KNG1: variants seen among roughly 807,000 people sequenced by gnomAD.
KNG1 encodes kininogen 1.
In KNG1, 23 loss-of-function variants were observed where a neutral mutation model predicts 47.8. The ratio of observed to expected loss-of-function variants is 0.48; its 90% confidence interval spans 0.35 to 0.68. The LOEUF is 0.68. Among genes scored for constraint, KNG1 ranks in the 30% least tolerant of loss-of-function variants. KNG1 has a pLI of 0.01. For synonymous variants in KNG1, 277 were observed against 277.0 expected (o/e 1.00, Z 0.00); for missense variants, 762 against 790.2 (o/e 0.96, Z 0.43).
chr3:186,733,413 G>A (rs1720591573), intron 7 of KNG1, among the ~76,000 whole-genome samples: 1 of 152,030 alleles, frequency 6.6e-6, no homozygotes, highest in African/African-American at 2.4e-5. Flanking sequence ...TCATTGCCAA[G>A]GCTCCACGCT....
intron 2 of KNG1, 30 bp downstream of exon 2, chr3:186,720,245 T>C (rs1447465117): frequency 6.9e-7 from 1 of 1,447,760 alleles, no homozygotes; most frequent in South Asian, 1.1e-5. Context: ...TTGGGCCTTC[T>C]GTTTTCTCCG....
At chr3:186,741,455 T>C (rs1171898503) in intron 9 of KNG1, 67 bp from the exon 10 acceptor site, 8 of 1,437,070 alleles carry the variant, frequency 5.6e-6, no homozygotes, top group Non-Finnish European at 7.6e-6. Flanking sequence ...CAGATCTCAG[T>C]GTTTTTTTCT....
At chr3:186,717,783 A>G (rs777770777) in intron 1 of KNG1, 46 bp downstream of exon 1, 2 of 1,415,164 alleles carry the variant, frequency 1.4e-6, no homozygotes, top group South Asian at 2.3e-5. Context: ...GATTTGTACT[A>G]TCACTAGGAG....
At chr3:186,722,189 A>G in intron 2 of KNG1, 1 of 447,134 alleles carries the variant, frequency 2.2e-6, no homozygotes. Flanking sequence ...CAAAACAAAG[A>G]CTCAAGCTTT....
Position 186,731,601 on chromosome 3 carries a change from C to T in KNG1, c.729C>T (p.Ser243=). 2 of 1,607,490 alleles carry T rather than the reference C, an allele frequency of 1.2e-6. No individual in the cohort carries two copies. The highest frequency in any genetic ancestry group is 1.7e-6 in the Non-Finnish European group (2 of 1,174,012). Residue 243 remains serine (S), a synonymous_variant, in exon 6 of 10, where the codon TCC becomes TCT. Transcript: ENST00000644859. ...AYIDIQLRIA[S]FSQNCDIYPG... ...TCGATATTCAGCTACGAATTGCTTC[C>T]TTCTCACAGAACTGTGACATTTATC... is the stretch of plus-strand genomic sequence containing the variant.
At chr3:186,722,599 G>T (rs1194366581) in intron 3 of KNG1, 78 bp downstream of exon 3, 3 of 1,137,158 alleles carry the variant, frequency 2.6e-6, no homozygotes, top group Non-Finnish European at 3.9e-6. Context: ...TCTTGACCAG[G>T]CTCTGCTTGC....
chr3:186,728,453 T>C (rs1467531736), intron 5 of KNG1: 4 of 152,282 alleles, frequency 2.6e-5, no homozygotes, highest in East Asian at 3.9e-4. Context: ...CAGTAGAATA[T>C]GATACAGCTA....
intron 5 of KNG1, among the ~76,000 whole-genome samples, chr3:186,729,826 C>G (rs908425374): frequency 2.6e-5 from 4 of 152,120 alleles, no homozygotes; most frequent in Admixed American, 2.6e-4. Flanking sequence ...GCATGTGCCA[C>G]CACGGCCGGC....
At position 186,742,462 on chromosome 3, in the gene KNG1, T is replaced by C. The variant is rs771685866; in HGVS notation, c.*131T>C. On this transcript the variant is annotated 3_prime_UTR_variant, in exon 10 of 10. Coordinates refer to ENST00000644859, the MANE Select transcript of KNG1 (RefSeq NM_001102416.3). The stretch of plus-strand genomic sequence containing the variant: ...AGCTTCGGAACAGTCTAAAGAGAAG[T>C]GGTGAGACTCCCAGTGGAGACACCA... The C allele has an allele frequency of 3.3e-6, 5 of 1,504,402 alleles. No homozygotes were observed. The highest frequency in any genetic ancestry group is 4.4e-6 in the Non-Finnish European group (5 of 1,133,940). The allele number at this position is 1,504,402 out of a possible 1,614,324, so 93.2% of individuals were successfully genotyped here.
intron 1 of KNG1, 177 bp downstream of exon 1, chr3:186,717,914 C>T: frequency 1.9e-6 from 1 of 535,244 alleles, no homozygotes. Context: ...CCACCACCAC[C>T]ATCCACCACC....
In KNG1 at chr3:186,732,594, C is replaced by T. The variant is rs994013085; in HGVS notation, c.850C>T (p.His284Tyr). 6 of 1,613,990 alleles carry T rather than the reference C, an allele frequency of 3.7e-6. No individual in the cohort carries two copies. Among genetic ancestry groups the T allele is most frequent in the Non-Finnish European group, 4.2e-6 (5 of 1,179,854 alleles). Residue 284 changes from histidine to tyrosine, a missense_variant, in exon 7 of 10, where the codon CAC becomes TAC. Transcript: ENST00000644859. Reference sequence around the variant, plus strand: ...CCCAGAGCTGGAGGAGACACTGACTCACACCATCACAAAGCTTAATGCAGA... The same window carrying T: ...CCCAGAGCTGGAGGAGACACTGACTTACACCATCACAAAGCTTAATGCAGA... The part of the protein sequence containing the change: ...NSPELEETLT[H>Y]TITKLNAENN...
rs753056016 is a variant in KNG1, at chr3:186,725,060, G to T, written c.392-28G>T. 10 of 1,612,836 alleles carry T rather than the reference G, an allele frequency of 6.2e-6. No homozygotes were observed. In the African/African-American group the frequency reaches 1.1e-4, roughly 17 times the overall value. On this transcript the variant is annotated intron_variant, in intron 3 of 9. Transcript: ENST00000644859. ...GCGAATGCTGATTGCGATCATTAAT[G>T]CTGTGTTTTTGTCTGCTCTTTGTTA...
intron 5 of KNG1, among the ~76,000 whole-genome samples, chr3:186,727,756 G>T (rs1344270663): frequency 6.6e-6 from 1 of 152,002 alleles, no homozygotes; most frequent in Non-Finnish European, 1.5e-5. Context: ...ATTTATAGTA[G>T]AGACAGGGTT....
At chr3:186,724,422 CT>C (rs1223638640) in intron 3 of KNG1, among the ~76,000 whole-genome samples, 1 of 152,122 alleles carries the variant, frequency 6.6e-6, no homozygotes, top group East Asian at 1.9e-4. Context: ...AATACAAACT[CT>C]TTTTAATAAT....
At chr3:186,719,083 G>A (rs561682935) in intron 1 of KNG1, among the ~76,000 whole-genome samples, 4 of 151,836 alleles carry the variant, frequency 2.6e-5, no homozygotes, top group South Asian at 4.2e-4. Context: ...AAGTAAAATC[G>A]AGCCATTTTC....
Position 186,742,009 on chromosome 3 carries a change from C to CA in KNG1, c.1614dup (p.Gln539ThrfsTer24). ...GACAGTACTACACCTTCTGCACAGA[C>CA]ACAAGAGAAGACAGAAGGGCCAACA... On this transcript the variant is annotated frameshift_variant, in exon 10 of 10. Transcript: ENST00000644859. LOFTEE classifies it low-confidence loss of function (END_TRUNC). 1 of 1,614,256 alleles carries CA rather than the reference C, an allele frequency of 6.2e-7. No individual in the cohort carries two copies. Among genetic ancestry groups the CA allele is most frequent in the Non-Finnish European group, 8.5e-7 (1 of 1,180,056 alleles).
intron 3 of KNG1, among the ~76,000 whole-genome samples, chr3:186,724,648 G>A (rs1294189439): frequency 6.6e-6 from 1 of 151,550 alleles, no homozygotes; most frequent in Non-Finnish European, 1.5e-5. Context: ...GTATATGCTG[G>A]ATGTTAGTCC....
At chr3:186,737,499 T>A (rs1259758889) in intron 7 of KNG1, among the ~76,000 whole-genome samples, 1 of 152,156 alleles carries the variant, frequency 6.6e-6, no homozygotes, top group African/African-American at 2.4e-5. Flanking sequence ...GCCTTCCTCA[T>A]CCTGGGTTTT....
In KNG1 at chr3:186,720,086, A is replaced by G; in HGVS notation, c.196-19A>G. ...TGGGTCAGTTGGATGAACCCTAAGT[A>G]TCTTTGGCTGCTTTTCAGGTTGGCT... On this transcript the variant is annotated intron_variant, in intron 1 of 9. Coordinates refer to ENST00000644859, the MANE Select transcript of KNG1 (RefSeq NM_001102416.3). 6.5e-7 allele frequency: 1 copy of G among 1,541,782 alleles called. No individual in the cohort carries two copies. Among genetic ancestry groups the G allele is most frequent in the African/African-American group, 1.4e-5 (1 of 73,614 alleles).
Sources: allele counts gnomAD v4.1 joint callset (sites outside exome capture counted in the v4.1 genomes callset), GRCh38; gene constraint gnomAD v4.1.1; transcripts MANE v1.5; gene names NCBI Gene and HGNC (gene_info 2026-07-23, HGNC 2026-07-21).